The following GRHL2 variants were observed in gnomAD, a reference collection of about 807,000 sequenced individuals.
The protein encoded by GRHL2 is grainyhead like transcription factor 2.
A neutral mutation model predicts 83.8 loss-of-function variants in GRHL2; 21 were observed. The ratio of observed to expected loss-of-function variants is 0.25; its 90% CI spans 0.18 to 0.36. The LOEUF is 0.36. Among genes scored for constraint, GRHL2 ranks in the 10% least tolerant of loss-of-function variants. The probability of loss-of-function intolerance (pLI) is 1.00; values close to 1 mark genes in which losing one functional copy is unlikely to be tolerated. For synonymous variants in GRHL2, 280 were observed against 278.9 expected (o/e 1.00, Z -0.04); for missense variants, 623 against 781.8 (o/e 0.80, Z 2.42).
chr8:101,610,140 G>A (rs1222847815), intron 8 of GRHL2, among the ~76,000 whole-genome samples: 2 of 150,816 alleles, frequency 1.3e-5, no homozygotes, highest in African/African-American at 2.5e-5. Context: ...GAGCAGTGAA[G>A]GTTTCTGCCT....
At chr8:101,647,784 G>A (rs1292562654) in intron 13 of GRHL2, among the ~76,000 whole-genome samples, 1 of 151,116 alleles carries the variant, frequency 6.6e-6, no homozygotes, top group African/African-American at 2.4e-5. Context: ...ACATCCACTG[G>A]CTGCAGAAAG....
chr8:101,493,837 T>TGGGCC (rs1346803504), intron 1 of GRHL2, among the ~76,000 whole-genome samples: 2 of 151,680 alleles, frequency 1.3e-5, no homozygotes, highest in Non-Finnish European at 2.9e-5. Flanking sequence ...CGCGGGTCAC[T>TGGGCC]GGGCCCGGTC....
At chr8:101,648,907 A>G (rs1399764630) in intron 13 of GRHL2, among the ~76,000 whole-genome samples, 1 of 151,982 alleles carries the variant, frequency 6.6e-6, no homozygotes, top group East Asian at 1.9e-4. Context: ...GTTTCCTGAC[A>G]TTTTCCTCCA....
chr8:101,668,003 G>A lies in GRHL2; in HGVS notation c.*1300G>A, dbSNP rs1399387549. ...AGGGGGTATTGTTTGCCTCACTCCT[G>A]GATGCTGCGTTTTAAGGAAGTGAGT... On this transcript the variant is annotated 3_prime_UTR_variant, in exon 16 of 16. Coordinates refer to ENST00000646743, the MANE Select transcript of GRHL2 (RefSeq NM_024915.4). 1 of 152,626 alleles carries A rather than the reference G, an allele frequency of 6.6e-6. No homozygotes were observed. Among genetic ancestry groups the A allele is most frequent in the East Asian group, 1.9e-4 (1 of 5,202 alleles). 9.5% of individuals were successfully genotyped at this position (152,626 alleles called of 1,614,324 possible).
Position 101,577,456 on chromosome 8 carries a change from C to G in GRHL2, c.940C>G (p.Leu314Val), listed in dbSNP as rs1413219814. Residue 314 changes from leucine to valine, a missense_variant, in exon 7 of 16, where the codon CTC (leucine) becomes GTC (valine). By Grantham distance (32) the Leu-to-Val change is conservative (BLOSUM62 1). Coordinates refer to ENST00000646743, the MANE Select transcript of GRHL2 (RefSeq NM_024915.4). ...FSEDKNRDEQLKYWKYWHSRQ... is the reference protein window; with the variant it reads ...FSEDKNRDEQVKYWKYWHSRQ... ...TGAAGACAAAAACAGAGATGAACAG[C>G]TCAAATACTGGAAATACTGGCACTC... 5.0e-6 allele frequency: 8 copies of G among 1,613,960 alleles called. No homozygotes were observed. The highest frequency in any genetic ancestry group is 1.3e-5 in the African/African-American group (1 of 74,920).
chr8:101,655,553 A>C (rs988571182), intron 14 of GRHL2, among the ~76,000 whole-genome samples: 1 of 152,164 alleles, frequency 6.6e-6, no homozygotes, highest in Non-Finnish European at 1.5e-5. Flanking sequence ...CCTTCATTTC[A>C]CCTGCCAGAA....
intron 1 of GRHL2, among the ~76,000 whole-genome samples, chr8:101,522,303 T>G (rs894552144): frequency 6.6e-6 from 1 of 152,106 alleles, no homozygotes. Context: ...ACAATAAAAA[T>G]AATACAAATG....
rs1443154665 is a variant in GRHL2, at chr8:101,652,413, G to A, written c.1698+2914G>A. ...TGTGTGTGTGTCTGGTGTGTGTGTGGTGTGTGTGTGTGGTGTGTGTGTCTG... is the reference window on the plus strand; with the variant it reads ...TGTGTGTGTGTCTGGTGTGTGTGTGATGTGTGTGTGTGGTGTGTGTGTCTG... On this transcript the variant is annotated intron_variant, in intron 14 of 15. Transcript: ENST00000646743. Among the ~76,000 whole-genome samples, 96 of 63,766 alleles carry A rather than the reference G, an allele frequency of 1.5e-3. 2 individuals are homozygous for A. Among genetic ancestry groups the A allele is most frequent in the African/African-American group, 6.9e-3 (67 of 9,644 alleles). The allele number at this position is 63,766 out of a possible 152,430, so 41.8% of individuals were successfully genotyped here. A position where few individuals can be genotyped will look rare whatever the true frequency, so the allele number is the denominator to read the frequency against.
chr8:101,529,914 T>C (rs1399878612), intron 1 of GRHL2, among the ~76,000 whole-genome samples: 1 of 152,184 alleles, frequency 6.6e-6, no homozygotes, highest in Non-Finnish European at 1.5e-5. Flanking sequence ...GAAAGGACTT[T>C]CCTGTTGCTT....
intron 1 of GRHL2, among the ~76,000 whole-genome samples, chr8:101,521,047 C>T (rs1054251417): frequency 1.3e-5 from 2 of 152,146 alleles, no homozygotes; most frequent in African/African-American, 4.8e-5. Flanking sequence ...ATTACTCATG[C>T]AATACTTGTA....
intron 9 of GRHL2, among the ~76,000 whole-genome samples, chr8:101,627,049 T>C (rs1813095258): frequency 1.3e-5 from 2 of 152,124 alleles, no homozygotes; most frequent in African/African-American, 4.8e-5. Context: ...ATCTGCTGTA[T>C]AGATACTCTA....
At chr8:101,527,671 A>C (rs1406521093) in intron 1 of GRHL2, among the ~76,000 whole-genome samples, 2 of 152,362 alleles carry the variant, frequency 1.3e-5, no homozygotes, top group Non-Finnish European at 2.9e-5. Flanking sequence ...TGGCTGTATC[A>C]ATTTTCTTCT....
Position 101,559,715 on chromosome 8 carries a change from C to CTTTA in GRHL2, c.678+903_678+904insTTTA, listed in dbSNP as rs1811569107. ...TAACTTTGCTTGTTTATTTTAAATT[C>CTTTA]AGAAGTTCTAAGTGCACAGTTGAGA... is the stretch of plus-strand genomic sequence containing the variant. On this transcript the variant is annotated intron_variant, in intron 4 of 15. Coordinates refer to ENST00000646743, the MANE Select transcript of GRHL2 (RefSeq NM_024915.4). Among the ~76,000 whole-genome samples the CTTTA allele has an allele frequency of 2.0e-5, 3 of 152,232 alleles. No homozygotes were observed. In the South Asian group the frequency reaches 6.2e-4, roughly 32 times the overall value.
intron 4 of GRHL2, among the ~76,000 whole-genome samples, chr8:101,566,326 G>A (rs917910479): frequency 4.6e-5 from 7 of 151,710 alleles, no homozygotes; most frequent in Non-Finnish European, 7.4e-5. Context: ...TATTAACATG[G>A]CATTTACTCA....
rs181786464 is a variant in GRHL2 at position 101,497,897 on chromosome 8, G to A, written c.20+5108G>A. Reference sequence around the variant, plus strand: ...CATGGATATAAGACTTCTTAGGCCTGCCCTAGATGTTGTTTGCTTTCATTG... The same window carrying A: ...CATGGATATAAGACTTCTTAGGCCTACCCTAGATGTTGTTTGCTTTCATTG... On this transcript the variant is annotated intron_variant, in intron 1 of 15. Coordinates refer to ENST00000646743, the MANE Select transcript of GRHL2 (RefSeq NM_024915.4). 2.6e-3 allele frequency among the ~76,000 whole-genome samples: 391 copies of A among 152,314 alleles called. 1 individual carries two copies. The highest frequency in any genetic ancestry group is 4.9e-3 in the Non-Finnish European group (331 of 68,032).
rs778866025 is a variant in GRHL2 at position 101,649,457 on chromosome 8, A to T, written c.1656A>T (p.Ala552=). Residue 552 remains alanine (A), a synonymous_variant, in exon 14 of 16, where the codon GCA becomes GCT. Coordinates refer to ENST00000646743, the MANE Select transcript of GRHL2 (RefSeq NM_024915.4). Reference sequence around the variant, plus strand: ...AGGAGACTGACGATGTGTTCGATGCATTGATGTTGAAGTCTCCCACAGTGA... The same window carrying T: ...AGGAGACTGACGATGTGTTCGATGCTTTGATGTTGAAGTCTCCCACAGTGA... ...VRKETDDVFD[A]LMLKSPTVKG... 1 of 1,614,074 alleles carries T rather than the reference A, an allele frequency of 6.2e-7. No homozygotes were observed. Among genetic ancestry groups the T allele is most frequent in the South Asian group, 1.1e-5 (1 of 91,054 alleles).
chr8:101,518,673 C>CAACAGAACATA (rs1024206004), intron 1 of GRHL2, among the ~76,000 whole-genome samples: 6 of 152,296 alleles, frequency 3.9e-5, no homozygotes, highest in Admixed American at 3.3e-4. Context: ...CAGAACGATT[C>CAACAGAACATA]ACTCCAAGTC....
At chr8:101,499,879 C>T (rs1810187843) in intron 1 of GRHL2, among the ~76,000 whole-genome samples, 1 of 152,110 alleles carries the variant, frequency 6.6e-6, no homozygotes, top group Non-Finnish European at 1.5e-5. Flanking sequence ...AGTTCGATAT[C>T]AGTCTGGCCA....
chr8:101,551,912 T>G (rs1385597477), intron 2 of GRHL2, among the ~76,000 whole-genome samples: 1 of 151,186 alleles, frequency 6.6e-6, no homozygotes. Flanking sequence ...CTCGGCTCAC[T>G]GCAAGCTCCG....
Sources: allele counts gnomAD v4.1 joint callset (sites outside exome capture counted in the v4.1 genomes callset), GRCh38; gene constraint gnomAD v4.1.1; transcripts MANE v1.5; gene names NCBI Gene and HGNC (gene_info 2026-07-23, HGNC 2026-07-21).